The following RYR2 variants were observed in gnomAD, a reference collection of about 807,000 sequenced individuals.
The protein encoded by RYR2 is ryanodine receptor 2.
RYR2 carries 227 observed loss-of-function variants against 601.1 expected under a neutral mutation model. The observed-to-expected ratio is 0.38, with a 90% CI of 0.34 to 0.42. RYR2 has a LOEUF of 0.42. Among genes scored for constraint, RYR2 ranks in the 10% least tolerant of loss-of-function variants. RYR2 has a pLI of 1.00. For missense variants in RYR2, 4,646 were observed against 6,156.5 expected (o/e 0.75, Z 8.21); for synonymous variants, 2,223 against 2,175.1 (o/e 1.02, Z -0.61).
chr1:237,222,061 C>T (rs1412228981), intron 1 of RYR2, among the ~76,000 whole-genome samples: 3 of 152,100 alleles, frequency 2.0e-5, no homozygotes, highest in Non-Finnish European at 4.4e-5. Context: ...GACGTGTGCA[C>T]ATGTTTTTAT....
At chr1:237,171,526 C>A (rs1043681279) in intron 1 of RYR2, among the ~76,000 whole-genome samples, 11 of 152,130 alleles carry the variant, frequency 7.2e-5, no homozygotes, top group African/African-American at 2.4e-4. Flanking sequence ...ATACTCATTT[C>A]CTTACTATGT....
intron 73 of RYR2, among the ~76,000 whole-genome samples, chr1:237,719,715 T>C (rs1689556051): frequency 6.6e-6 from 1 of 151,452 alleles, no homozygotes; most frequent in African/African-American, 2.4e-5. Context: ...GCTAAACCAC[T>C]TATGAAAGTT....
intron 1 of RYR2, among the ~76,000 whole-genome samples, chr1:237,204,741 G>T (rs1220870736): frequency 6.6e-6 from 1 of 152,162 alleles, no homozygotes; most frequent in Non-Finnish European, 1.5e-5. Context: ...ATGGAGGTCA[G>T]GAGGGGCAAA....
intron 1 of RYR2, among the ~76,000 whole-genome samples, chr1:237,055,189 G>A (rs537696888): frequency 1.3e-4 from 20 of 152,296 alleles, no homozygotes; most frequent in Middle Eastern, 6.8e-3. Flanking sequence ...ACGGTGACAC[G>A]TTTGGGAGAG....
intron 101 of RYR2, among the ~76,000 whole-genome samples, chr1:237,821,349 G>C (rs1407571386): frequency 1.3e-5 from 2 of 152,320 alleles, no homozygotes; most frequent in Admixed American, 1.3e-4. Context: ...AATCTTTGCT[G>C]TTCTGCAACC....
chr1:237,459,821 T>G (rs1659267297), intron 16 of RYR2, among the ~76,000 whole-genome samples: 1 of 152,172 alleles, frequency 6.6e-6, no homozygotes, highest in Non-Finnish European at 1.5e-5. Flanking sequence ...TTCCTGCTCC[T>G]AATTAGTTTT....
At chr1:237,295,480 A>G (rs1005004339) in intron 2 of RYR2, among the ~76,000 whole-genome samples, 2 of 152,208 alleles carry the variant, frequency 1.3e-5, no homozygotes, top group African/African-American at 4.8e-5. Flanking sequence ...AATCTGGAGT[A>G]ACATAAAATA....
chr1:237,188,169 T>C (rs1407829136), intron 1 of RYR2, among the ~76,000 whole-genome samples: 1 of 152,190 alleles, frequency 6.6e-6, no homozygotes, highest in Non-Finnish European at 1.5e-5. Context: ...CGAATTAGTA[T>C]GTTACAGCTG....
Position 237,631,457 on chromosome 1 carries a change from G to A in RYR2, c.6471G>A (p.Gln2157=). The change falls in exon 42 of 105, where the codon CAG becomes CAA. Residue 2157 remains glutamine (Q), a synonymous_variant. Transcript: ENST00000366574. ...TTATGAATAACAAAGTGTTTTACCA[G>A]CACCCTAATCTCATGAGGGCACTGG... The part of the protein sequence containing the change: ...GDIMNNKVFY[Q]HPNLMRALGM... 6.2e-7 allele frequency: 1 copy of A among 1,613,404 alleles called. No homozygotes were observed.
intron 1 of RYR2, among the ~76,000 whole-genome samples, chr1:237,159,387 C>T (rs577856874): frequency 5.9e-5 from 9 of 152,036 alleles, no homozygotes; most frequent in African/African-American, 2.2e-4. Flanking sequence ...GTCTATGGGG[C>T]GTTTATCTAA....
chr1:237,616,002 G>A (rs982977999), intron 37 of RYR2, among the ~76,000 whole-genome samples: 24 of 148,134 alleles, frequency 1.6e-4, no homozygotes, highest in African/African-American at 5.8e-4. Context: ...GCAGGAAAAG[G>A]CCAGTGTGGC....
chr1:237,473,445 C>CT (rs1331701734), intron 17 of RYR2, among the ~76,000 whole-genome samples: 1 of 144,610 alleles, frequency 6.9e-6, no homozygotes, highest in African/African-American at 2.5e-5. Context: ...TTCTTTCTTT[C>CT]TTTCTTTCTT....
intron 18 of RYR2, 31 bp from the exon 19 acceptor site, chr1:237,492,923 A>G: frequency 6.5e-7 from 1 of 1,543,104 alleles, no homozygotes; most frequent in Non-Finnish European, 8.8e-7. Flanking sequence ...GGAGGGAGGG[A>G]GGATCAGCTG....
At chr1:237,325,114 G>A (rs1240782232) in intron 2 of RYR2, among the ~76,000 whole-genome samples, 1 of 152,116 alleles carries the variant, frequency 6.6e-6, no homozygotes, top group African/African-American at 2.4e-5. Flanking sequence ...TGGTCATGAG[G>A]TAGAGTGGGA....
At chr1:237,202,836 T>C (rs1681348796) in intron 1 of RYR2, among the ~76,000 whole-genome samples, 1 of 152,216 alleles carries the variant, frequency 6.6e-6, no homozygotes, top group Non-Finnish European at 1.5e-5. Context: ...ATCTCTTTGC[T>C]GTGTGGTGGA....
intron 77 of RYR2, 34 bp from the exon 78 acceptor site, chr1:237,732,011 TA>T: frequency 7.2e-7 from 1 of 1,383,204 alleles, no homozygotes; most frequent in Non-Finnish European, 1.0e-6. Context: ...CATTTTTTTT[TA>T]ATGTGACATT....
intron 17 of RYR2, among the ~76,000 whole-genome samples, chr1:237,471,941 A>G (rs1383387872): frequency 6.6e-6 from 1 of 152,198 alleles, no homozygotes; most frequent in African/African-American, 2.4e-5. Flanking sequence ...GACTGACTCA[A>G]AATCTTAGAA....
chr1:237,623,716 C>A, intron 38 of RYR2, 49 bp from the exon 39 acceptor site: 2 of 1,278,400 alleles, frequency 1.6e-6, no homozygotes, highest in Non-Finnish European at 1.1e-6. Context: ...TTGAATTCAC[C>A]TTTCTTTTCT....
intron 84 of RYR2, among the ~76,000 whole-genome samples, chr1:237,762,573 G>C (rs1693512671): frequency 6.6e-6 from 1 of 152,174 alleles, no homozygotes; most frequent in Non-Finnish European, 1.5e-5. Context: ...AGGAATAGCA[G>C]CCACTTAGGT....
Sources: gnomAD v4.1 joint callset for allele counts (sites outside exome capture counted in the v4.1 genomes callset) on GRCh38, gnomAD v4.1.1 for gene constraint, MANE v1.5 for transcripts, NCBI Gene and HGNC (gene_info 2026-07-23, HGNC 2026-07-21) for gene names.